HELZ: variants seen among roughly 807,000 people sequenced by gnomAD.
The protein encoded by HELZ is ATP-dependent RNA helicase with zinc finger domain.
Under a neutral mutation model 218.2 loss-of-function variants are expected in HELZ, and 23 were observed. That is an observed-to-expected ratio of 0.11 (90% confidence interval 0.08 to 0.15). HELZ has a LOEUF of 0.15. Ranked by LOEUF, HELZ falls within the 10% of genes least tolerant of loss-of-function variation. The pLI is 1.00. For missense variants in HELZ, 1,813 were observed against 2,353.7 expected, an observed-to-expected ratio of 0.77 and a Z score of 4.75; for synonymous variants, 814 against 829.4, an observed-to-expected ratio of 0.98 and a Z score of 0.32.
At chr17:67,217,714 G>C (rs2040637160) in intron 4 of HELZ, among the ~76,000 whole-genome samples, 1 of 152,010 alleles carries the variant, frequency 6.6e-6, no homozygotes, top group African/African-American at 2.4e-5. Context: ...TCCATTGCCT[G>C]CAATGCTCTT....
intron 30 of HELZ, among the ~76,000 whole-genome samples, chr17:67,107,900 T>C (rs554209597): frequency 2.0e-5 from 3 of 152,346 alleles, no homozygotes; most frequent in East Asian, 1.9e-4. Flanking sequence ...TCTGTTCCCA[T>C]TGTATTAAAA....
intron 28 of HELZ, among the ~76,000 whole-genome samples, chr17:67,111,871 C>CT (rs2143770690): frequency 6.6e-6 from 1 of 152,220 alleles, no homozygotes; most frequent in African/African-American, 2.4e-5. Flanking sequence ...CTGGGATATA[C>CT]TTTTTTCCAG....
intron 32 of HELZ, among the ~76,000 whole-genome samples, chr17:67,082,068 C>T (rs184464005): frequency 1.3e-3 from 202 of 152,270 alleles, no homozygotes; most frequent in Admixed American, 1.9e-3. Flanking sequence ...TGCTATGCAC[C>T]TTCCATGGAT....
chr17:67,199,195 G>C (rs191633879), intron 7 of HELZ, among the ~76,000 whole-genome samples: 54 of 149,814 alleles, frequency 3.6e-4, no homozygotes, highest in African/African-American at 1.3e-3. Flanking sequence ...AAAAGTAATT[G>C]CGATTTTGCC....
At chr17:67,221,875 G>C (rs76467730) in intron 3 of HELZ, among the ~76,000 whole-genome samples, 2 of 147,036 alleles carry the variant, frequency 1.4e-5, no homozygotes, top group African/African-American at 5.0e-5. Context: ...ACAGAGTCTC[G>C]CTGCGCAGCC....
chr17:67,217,931 T>A (rs908553832), intron 4 of HELZ, among the ~76,000 whole-genome samples: 1 of 120,820 alleles, frequency 8.3e-6, no homozygotes, highest in Non-Finnish European at 1.6e-5. Context: ...TTTTTTGTTG[T>A]TTTTTTTTTT....
At chr17:67,101,592 C>A (rs963580133) in intron 31 of HELZ, among the ~76,000 whole-genome samples, 2 of 152,162 alleles carry the variant, frequency 1.3e-5, no homozygotes, top group Non-Finnish European at 2.9e-5. Context: ...AAAAATCCCA[C>A]ACAGATAAAA....
intron 5 of HELZ, among the ~76,000 whole-genome samples, chr17:67,204,023 A>G (rs1198144303): frequency 2.6e-5 from 4 of 152,232 alleles, no homozygotes; most frequent in African/African-American, 9.6e-5. Context: ...GAATATACTC[A>G]TTTTTATGCC....
chr17:67,148,209 G>A (rs552576986), intron 20 of HELZ, among the ~76,000 whole-genome samples: 10 of 152,304 alleles, frequency 6.6e-5, no homozygotes, highest in Admixed American at 6.5e-4. Context: ...GATAGATGGT[G>A]TCAGAAGTGA....
rs145454877 is a variant in HELZ at position 67,117,222 on chromosome 17, A to T, written c.3839-2819T>A. On this transcript the variant is annotated intron_variant, in intron 27 of 32. Transcript: ENST00000358691. Reference sequence around the variant, plus strand: ...CACAGAACATTTACCAAAATAAACCACATTCTGGGCTGTGAAACAAATCTC... The same window carrying T: ...CACAGAACATTTACCAAAATAAACCTCATTCTGGGCTGTGAAACAAATCTC... 3.3e-5 allele frequency among the ~76,000 whole-genome samples: 5 copies of T among 152,250 alleles called. No homozygotes were observed. In the East Asian group the frequency reaches 9.7e-4, roughly 29 times the overall value.
At chr17:67,192,252 A>C (rs2039917435) in intron 9 of HELZ, among the ~76,000 whole-genome samples, 2 of 152,244 alleles carry the variant, frequency 1.3e-5, no homozygotes, top group South Asian at 4.1e-4. Flanking sequence ...ATAAAACTAT[A>C]AATAGCAAAA....
chr17:67,188,378 T>A lies in HELZ; in HGVS notation c.1103A>T (p.Asp368Val). 1 of 1,613,956 alleles carries A rather than the reference T, an allele frequency of 6.2e-7. No individual in the cohort carries two copies. The highest frequency in any genetic ancestry group is 8.5e-7 in the Non-Finnish European group (1 of 1,179,842). Residue 368 changes from aspartate to valine, a missense_variant, in exon 12 of 33, where the codon GAC becomes GTC. Asp to Val is a radical substitution (Grantham distance 152). This residue lies in a region of HELZ where 714 missense variants were observed against 1,029.2 expected (regional missense o/e 0.69). Transcript: ENST00000358691. The surrounding 1 kb of genome is among the most constrained non-coding windows in gnomAD (Gnocchi z 4.1). ...FGTFRQTIVF[D>V]FGLEPVLMQR... is the part of the protein sequence containing the mutation. ...CATGAGTACTGGTTCCAATCCAAAGTCGAAAACTATGGTTTGGCGAAAAGT... is the reference window on the plus strand; with the variant it reads ...CATGAGTACTGGTTCCAATCCAAAGACGAAAACTATGGTTTGGCGAAAAGT...
chr17:67,226,105 CA>C (rs1321838923), intron 3 of HELZ, among the ~76,000 whole-genome samples: 1 of 151,504 alleles, frequency 6.6e-6, no homozygotes, highest in African/African-American at 2.4e-5. Context: ...CCTAAAAATA[CA>C]AAAATTATCT....
At chr17:67,082,843 A>C (rs2036235972) in intron 32 of HELZ, among the ~76,000 whole-genome samples, 1 of 150,056 alleles carries the variant, frequency 6.7e-6, no homozygotes. Flanking sequence ...AATTAGTTTT[A>C]ACTGTTTTTT....
intron 31 of HELZ, among the ~76,000 whole-genome samples, chr17:67,092,339 C>A (rs9892634): frequency 0.096 from 14,632 of 152,080 alleles, 1,849 homozygotes; most frequent in African/African-American, 0.29. Flanking sequence ...TATAGCTACC[C>A]CCCAAGAAGG....
intron 17 of HELZ, among the ~76,000 whole-genome samples, chr17:67,158,579 C>T (rs2038908520): frequency 6.6e-6 from 1 of 152,102 alleles, no homozygotes; most frequent in African/African-American, 2.4e-5. Flanking sequence ...GGAAGTCAGG[C>T]TTTTTCTTAC....
chr17:67,192,110 G>C (rs2039913061), intron 9 of HELZ, among the ~76,000 whole-genome samples: 1 of 152,008 alleles, frequency 6.6e-6, no homozygotes, highest in African/African-American at 2.4e-5. Flanking sequence ...GCTGAGGCAG[G>C]AGAATCGCTT....
intron 7 of HELZ, among the ~76,000 whole-genome samples, chr17:67,199,210 CTTTT>C (rs1156398239): frequency 2.4e-5 from 3 of 122,980 alleles, no homozygotes; most frequent in Non-Finnish European, 3.4e-5. Context: ...TTTGCCATTA[CTTTT>C]TTTTTTTTTT....
chr17:67,081,760 G>A (rs1472463788), intron 32 of HELZ, among the ~76,000 whole-genome samples: 1 of 152,120 alleles, frequency 6.6e-6, no homozygotes, highest in Non-Finnish European at 1.5e-5. Flanking sequence ...ATTTAGATTG[G>A]GCTGGATTTC....
Sources: allele counts gnomAD v4.1 joint callset (sites outside exome capture counted in the v4.1 genomes callset), GRCh38; gene constraint gnomAD v4.1.1; regional missense constraint gnomAD v4.1.1; non-coding constraint Gnocchi (gnomAD v3.1); transcripts MANE v1.5; gene names NCBI Gene and HGNC (gene_info 2026-07-23, HGNC 2026-07-21).